Variants in NOB1 observed in about 807,000 individuals in gnomAD.
NOB1 encodes RNA-binding protein NOB1.
Under a neutral mutation model 44.8 loss-of-function variants are expected in NOB1, and 44 were observed. The observed-to-expected ratio is 0.98, with a 90% CI of 0.77 to 1.26. NOB1 has a LOEUF of 1.26. NOB1 is among the 50% of genes most tolerant of loss of function. The pLI, the probability that NOB1 is intolerant of heterozygous loss-of-function variation, is 0.00. For missense variants in NOB1, 560 were observed against 544.8 expected (o/e 1.03, Z -0.28); for synonymous variants, 238 against 218.7 (o/e 1.09, Z -0.78).
intron 3 of NOB1, among the ~76,000 whole-genome samples, chr16:69,750,158 C>A (rs1242349668): frequency 6.6e-6 from 1 of 151,596 alleles, no homozygotes; most frequent in Admixed American, 6.6e-5. Flanking sequence ...TGTGCGCCAC[C>A]ATGCCCCACT....
chr16:69,745,241 C>T (rs1243518610), intron 7 of NOB1, among the ~76,000 whole-genome samples: 2 of 152,298 alleles, frequency 1.3e-5, no homozygotes, highest in African/African-American at 2.4e-5. Flanking sequence ...AGTGTGCAAG[C>T]GAGCAGGATG....
chr16:69,749,295 T>A lies in NOB1; in HGVS notation c.443A>T (p.Glu148Val), dbSNP rs1399909961. 2 of 1,610,948 alleles carry A rather than the reference T, an allele frequency of 1.2e-6. No individual in the cohort carries two copies. Among genetic ancestry groups the A allele is most frequent in the African/African-American group, 1.3e-5 (1 of 74,770 alleles). ...QETEKGHSACEPENLEFSSFM... is the reference protein window; with the variant it reads ...QETEKGHSACVPENLEFSSFM... ...GGAACTAAATTCCAGGTTCTCAGGCTCACAAGCTGAGTGTCCTTTTTCTGT... is the reference window on the plus strand; with the variant it reads ...GGAACTAAATTCCAGGTTCTCAGGCACACAAGCTGAGTGTCCTTTTTCTGT... Residue 148 changes from glutamate to valine, a missense_variant, in exon 5 of 9, where the codon GAG becomes GTG. By Grantham distance (121) the Glu-to-Val change is moderately radical. Coordinates refer to ENST00000268802, the MANE Select transcript of NOB1 (RefSeq NM_014062.3).
At chr16:69,746,734 T>A (rs1051837110) in intron 7 of NOB1, among the ~76,000 whole-genome samples, 1 of 151,790 alleles carries the variant, frequency 6.6e-6, no homozygotes, top group African/African-American at 2.4e-5. Context: ...AGTGAAACCC[T>A]GTCACTACTA....
At chr16:69,745,233 T>C (rs545756107) in intron 7 of NOB1, among the ~76,000 whole-genome samples, 1 of 152,238 alleles carries the variant, frequency 6.6e-6, no homozygotes, top group South Asian at 2.1e-4. Flanking sequence ...GGTAAGGAAG[T>C]GTGCAAGCGA....
At position 69,749,556 on chromosome 16, in the gene NOB1, T is replaced by C; in HGVS notation, c.399+3A>G. On this transcript the variant is annotated splice_donor_region_variant and intron_variant, in intron 4 of 8. Coordinates refer to ENST00000268802, the MANE Select transcript of NOB1 (RefSeq NM_014062.3). ...GAACGGCCTGGCTTGTCTAAGAAAT[T>C]ACCTTGTAGGGCAGATGGAAACCAG... 6.2e-7 allele frequency: 1 copy of C among 1,612,806 alleles called. No individual in the cohort carries two copies. Among genetic ancestry groups the C allele is most frequent in the Non-Finnish European group, 8.5e-7 (1 of 1,179,182 alleles).
In NOB1 at chr16:69,754,681, T is replaced by C; in HGVS notation, c.109A>G (p.Ile37Val). 6.2e-7 allele frequency: 1 copy of C among 1,614,210 alleles called. No individual in the cohort carries two copies. The highest frequency in any genetic ancestry group is 1.6e-4 in the Middle Eastern group (1 of 6,062). The part of the protein sequence containing the change: ...IYTIREVVTE[I>V]RDKATRRRLA... The stretch of plus-strand genomic sequence containing the variant: ...CGCCTGCGTGTGGCCTTGTCCCGAA[T>C]CTCAGTGACCACCTCCCGGATGGTG... Residue 37 changes from isoleucine to valine, a missense_variant, in exon 2 of 9, where the codon ATT becomes GTT. Transcript: ENST00000268802.
Position 69,742,539 on chromosome 16 carries a change from CTGATCCTCGG to C in NOB1, c.1022_1031del (p.Thr341SerfsTer56). The C allele has an allele frequency of 6.2e-7, 1 of 1,614,136 alleles. No individual in the cohort carries two copies. The highest frequency in any genetic ancestry group is 8.5e-7 in the Non-Finnish European group (1 of 1,180,022). On this transcript the variant is annotated frameshift_variant, in exon 9 of 9. Coordinates refer to ENST00000268802, the MANE Select transcript of NOB1 (RefSeq NM_014062.3). LOFTEE classifies it high-confidence loss of function. ...GGGAGAGTCGCAGCTGAGGGAAGCG[CTGATCCTCGG>C]TGAGATGGGGGTTGATGGCGTATTT...
intron 3 of NOB1, 136 bp downstream of exon 3, chr16:69,752,105 G>A (rs2038487542): frequency 2.6e-6 from 2 of 763,176 alleles, no homozygotes; most frequent in South Asian, 3.4e-5. Context: ...CAGTGTAGAT[G>A]AATACAGACT....
intron 7 of NOB1, among the ~76,000 whole-genome samples, chr16:69,745,848 G>A (rs1438089636): frequency 6.6e-6 from 1 of 152,198 alleles, no homozygotes; most frequent in African/African-American, 2.4e-5. Context: ...AACAAGTGTT[G>A]GGACCTAATT....
chr16:69,746,780 G>A (rs1157582973), intron 7 of NOB1, among the ~76,000 whole-genome samples: 4 of 152,076 alleles, frequency 2.6e-5, no homozygotes, highest in African/African-American at 9.7e-5. Flanking sequence ...GGTGGCGGGT[G>A]CCTGTAGTCC....
At chr16:69,748,673 A>G (rs2038454272) in intron 6 of NOB1, 1 of 507,964 alleles carries the variant, frequency 2.0e-6, no homozygotes. Flanking sequence ...ATATATACTG[A>G]AAAAAAAATC....
In NOB1 at chr16:69,752,363, ACT is replaced by A; in HGVS notation, c.203_204del (p.Glu68ValfsTer43). The A allele has an allele frequency of 6.2e-7, 1 of 1,612,712 alleles. No individual in the cohort carries two copies. The highest frequency in any genetic ancestry group is 8.5e-7 in the Non-Finnish European group (1 of 1,178,876). On this transcript the variant is annotated frameshift_variant, in exon 3 of 9. Transcript: ENST00000268802. LOFTEE classifies it high-confidence loss of function. ...GGGTAGTCTCCTGTTTTCTTTGAAA[ACT>A]CAGTCACTGTAAACAACAGATTTAC... Reference protein sequence around the residue: ...PLPEYVRLVTEFSKKTGDYPS... With the variant: ...PLPEYVRLVTXFSKKTGDYPS...
chr16:69,746,996 G>A (rs1273440939), intron 7 of NOB1, among the ~76,000 whole-genome samples: 3 of 150,822 alleles, frequency 2.0e-5, no homozygotes, highest in Admixed American at 6.6e-5. Context: ...GGCTGAGTTC[G>A]GCGGATCAGA....
intron 2 of NOB1, among the ~76,000 whole-genome samples, chr16:69,752,913 C>T (rs547620189): frequency 2.6e-5 from 4 of 151,660 alleles, no homozygotes; most frequent in South Asian, 4.2e-4. Context: ...CCAGCCTGGG[C>T]GACAGAGTGA....
At chr16:69,753,813 C>A (rs1008817494) in intron 2 of NOB1, among the ~76,000 whole-genome samples, 1 of 151,960 alleles carries the variant, frequency 6.6e-6, no homozygotes, top group African/African-American at 2.4e-5. Flanking sequence ...TTCTTTATTT[C>A]TTATTTTTTT....
chr16:69,752,142 T>A, intron 3 of NOB1, 99 bp downstream of exon 3: 5 of 1,084,292 alleles, frequency 4.6e-6, no homozygotes, highest in South Asian at 1.3e-5. Context: ...GAGGGGGGGA[T>A]GATGGGAACC....
chr16:69,751,325 T>TA (rs1567644193), intron 3 of NOB1, among the ~76,000 whole-genome samples: 45 of 151,534 alleles, frequency 3.0e-4, no homozygotes, highest in African/African-American at 9.9e-4. Context: ...GTTCTTTTTT[T>TA]TAAAAAAATT....
chr16:69,744,130 T>G (rs1304464124), intron 8 of NOB1, among the ~76,000 whole-genome samples: 2 of 152,092 alleles, frequency 1.3e-5, no homozygotes, highest in Admixed American at 6.6e-5. Context: ...TTTGAGAACA[T>G]CCTGGCCAAC....
At chr16:69,747,015 G>C (rs1428363267) in intron 7 of NOB1, among the ~76,000 whole-genome samples, 4 of 150,590 alleles carry the variant, frequency 2.7e-5, no homozygotes, top group Non-Finnish European at 5.9e-5. Flanking sequence ...GAGGTCAGGA[G>C]ATCAACACTA....
Sources: allele counts gnomAD v4.1 joint callset (sites outside exome capture counted in the v4.1 genomes callset), GRCh38; gene constraint gnomAD v4.1.1; transcripts MANE v1.5; gene names NCBI Gene and HGNC (gene_info 2026-07-23, HGNC 2026-07-21).